The following ZC3H11B variants were observed in gnomAD, a reference collection of about 807,000 sequenced individuals.
The protein encoded by ZC3H11B is zinc finger CCCH-type containing 11B.
In ZC3H11B, 3 loss-of-function variants were observed where a neutral mutation model predicts 34.0. The ratio of observed to expected loss-of-function variants is 0.09; its 90% CI spans 0.04 to 0.23. The LOEUF is 0.23. Ranked by LOEUF, ZC3H11B falls within the 10% of genes least tolerant of loss-of-function variation. The probability of loss-of-function intolerance (pLI) is 1.00; values close to 1 mark genes in which losing one functional copy is unlikely to be tolerated. For synonymous variants in ZC3H11B, 33 were observed against 250.1 expected (o/e 0.13, Z 8.19); for missense variants, 99 against 660.1 (o/e 0.15, Z 9.31).
At chr1:219,608,143 C>T (rs1225418481) in exon 2 of ZC3H11B, among the ~76,000 whole-genome samples, 2 of 151,986 alleles carry the variant, frequency 1.3e-5, no homozygotes, top group Non-Finnish European at 2.9e-5. Flanking sequence ...AACATTCTAC[C>T]CCTGCTTTGG....
At chr1:219,608,519 T>G (rs1667951259) in exon 2 of ZC3H11B, 1 of 152,092 alleles carries the variant, frequency 6.6e-6, no homozygotes, top group Non-Finnish European at 1.5e-5. Flanking sequence ...TCATGCTTAT[T>G]CCTTCACAAA....
chr1:219,611,132 C>T (rs1667995733), exon 2 of ZC3H11B: 3 of 1,613,724 alleles, frequency 1.9e-6, no homozygotes, highest in Admixed American at 1.7e-5. Flanking sequence ...GGAGCTTCAA[C>T]TTTCTTCCCT....
chr1:219,612,821 C>T (rs574336390), intron 1 of ZC3H11B, 110 bp downstream of exon 1: 15 of 334,534 alleles, frequency 4.5e-5, no homozygotes, highest in African/African-American at 1.6e-4. Context: ...TTCTTCATTA[C>T]GGTTTCACCA....
chr1:219,609,914 C>A, exon 2 of ZC3H11B: 1 of 1,613,716 alleles, frequency 6.2e-7, no homozygotes, highest in Non-Finnish European at 8.5e-7. Context: ...GCTTCAGGCA[C>A]AGTGACTGAT....
exon 2 of ZC3H11B, chr1:219,612,323 T>A (rs1668013586): frequency 2.2e-6 from 1 of 460,140 alleles, no homozygotes; most frequent in Admixed American, 3.8e-5. Flanking sequence ...GCAGAAAAAA[T>A]TTTCCTCCTC....
At chr1:219,608,172 C>T (rs1430838207) in exon 2 of ZC3H11B, among the ~76,000 whole-genome samples, 1 of 152,112 alleles carries the variant, frequency 6.6e-6, no homozygotes, top group East Asian at 1.9e-4. Context: ...TATCATACAA[C>T]ATTCAGTCAG....
chr1:219,608,407 CA>C (rs1488015386), exon 2 of ZC3H11B: 1 of 152,326 alleles, frequency 6.6e-6, no homozygotes, highest in African/African-American at 2.4e-5. Flanking sequence ...CTATGAGAAA[CA>C]AAACTGGCCA....
At chr1:219,608,839 T>C (rs1667957369) in exon 2 of ZC3H11B, 1 of 152,662 alleles carries the variant, frequency 6.6e-6, no homozygotes, top group Non-Finnish European at 1.5e-5. Context: ...AGGCAAGTAC[T>C]GAAGAAGAAA....
At chr1:219,609,819 T>C in exon 2 of ZC3H11B, 1 of 1,613,334 alleles carries the variant, frequency 6.2e-7, no homozygotes, top group East Asian at 2.2e-5. Context: ...TCATTTGGGA[T>C]GAGGAAGGGC....
At chr1:219,609,239 A>G in exon 2 of ZC3H11B, 1 of 191,114 alleles carries the variant, frequency 5.2e-6, no homozygotes, top group Non-Finnish European at 1.1e-5. Context: ...AACTCAGGTA[A>G]TATTAAGTAC....
chr1:219,612,562 A>G, exon 2 of ZC3H11B: 1 of 143,992 alleles, frequency 6.9e-6, no homozygotes, highest in African/African-American at 3.9e-5. Flanking sequence ...GAACAATATA[A>G]TCTGAAAAAC....
chr1:219,608,974 T>C (rs556786013), exon 2 of ZC3H11B: 42 of 150,198 alleles, frequency 2.8e-4, no homozygotes, highest in African/African-American at 1.0e-3. Flanking sequence ...TAAAGCCTTT[T>C]AAAAAATTAC....
At chr1:219,612,266 G>C (rs1019457554) in exon 2 of ZC3H11B, 1 of 509,166 alleles carries the variant, frequency 2.0e-6, no homozygotes, top group African/African-American at 2.4e-5. Flanking sequence ...AATCTATTAT[G>C]CCTGTAGGTC....
exon 2 of ZC3H11B, chr1:219,611,542 C>G: frequency 8.7e-7 from 1 of 1,154,750 alleles, no homozygotes; most frequent in Non-Finnish European, 1.3e-6. Context: ...GGTTTCATCA[C>G]CTTCCTCAGA....
exon 2 of ZC3H11B, among the ~76,000 whole-genome samples, chr1:219,608,142 C>T (rs2102508752): frequency 6.6e-6 from 1 of 152,136 alleles, no homozygotes; most frequent in South Asian, 2.1e-4. Context: ...GAACATTCTA[C>T]CCCTGCTTTG....
At chr1:219,612,282 A>G (rs961576968) in exon 2 of ZC3H11B, 2 of 506,266 alleles carry the variant, frequency 4.0e-6, no homozygotes, top group African/African-American at 4.7e-5. Context: ...AGGTCGAACC[A>G]ACACTCAATC....
Position 219,609,376 on chromosome 1 carries a change from A to G in ZC3H11B, c.*269T>C, listed in dbSNP as rs142149985. The G allele has an allele frequency of 4.5e-3, 2,220 of 493,564 alleles. 40 individuals are homozygous for G. The highest frequency in any genetic ancestry group is 0.039 in the African/African-American group (2,015 of 51,382). 30.6% of individuals were successfully genotyped at this position (493,564 alleles called of 1,614,324 possible). On this transcript the variant is annotated 3_prime_UTR_variant, in exon 2 of 2. Coordinates refer to ENST00000651890, the Ensembl canonical transcript of ZC3H11B. Reference sequence around the variant, plus strand: ...CCCCCTCAGTCTCTTTTTTGTGGAGAGAAGGGTATGACAGAACTTTTTTCT... The same window carrying G: ...CCCCCTCAGTCTCTTTTTTGTGGAGGGAAGGGTATGACAGAACTTTTTTCT...
At position 219,610,348 on chromosome 1, in the gene ZC3H11B, TC is replaced by T; in HGVS notation, c.1714del (p.Glu572ArgfsTer7). The T allele has an allele frequency of 1.7e-6, 1 of 604,524 alleles. No individual in the cohort carries two copies. The allele number at this position is 604,524 out of a possible 1,614,324, so 37.4% of individuals were successfully genotyped here. Reference sequence around the variant, plus strand: ...AGGTGTCAAGACTGATTTTTCCCTCTCCTGCTGTTTCTGCATGCGCGTCTCT... The same window carrying T: ...AGGTGTCAAGACTGATTTTTCCCTCTCTGCTGTTTCTGCATGCGCGTCTCT... On this transcript the variant is annotated frameshift_variant, in exon 2 of 2. Coordinates refer to ENST00000651890, the Ensembl canonical transcript of ZC3H11B. LOFTEE classifies it high-confidence loss of function.
exon 2 of ZC3H11B, chr1:219,609,315 A>T: frequency 2.6e-6 from 1 of 384,560 alleles, no homozygotes; most frequent in South Asian, 2.7e-5. Context: ...CACCTCAAGG[A>T]GTCACTAAGT....
Sources: allele counts gnomAD v4.1 joint callset (sites outside exome capture counted in the v4.1 genomes callset), GRCh38; gene constraint gnomAD v4.1.1; transcripts MANE v1.5; gene names NCBI Gene and HGNC (gene_info 2026-07-23, HGNC 2026-07-21).